Variants in TRIM72 observed in about 807,000 individuals in gnomAD.
The protein encoded by TRIM72 is tripartite motif containing 72.
Under a neutral mutation model 31.6 loss-of-function variants are expected in TRIM72, and 33 were observed. The observed-to-expected ratio is 1.04, with a 90% CI of 0.79 to 1.40. The LOEUF is 1.40. Among genes scored for constraint, TRIM72 ranks in the 40% most tolerant of loss-of-function variants. The pLI, the probability that TRIM72 is intolerant of heterozygous loss-of-function variation, is 0.00. For synonymous variants in TRIM72, 301 were observed against 314.4 expected (o/e 0.96, Z 0.45); for missense variants, 666 against 682.7 (o/e 0.98, Z 0.27).
At chr16:31,214,592 C>T (rs1312869114) in intron 1 of TRIM72, 140 bp from the exon 2 acceptor site, 57 of 958,046 alleles carry the variant, frequency 5.9e-5, no homozygotes, top group Non-Finnish European at 7.7e-5. Context: ...AGAGTCCCAT[C>T]CAGTGTAGGA....
In TRIM72 at chr16:31,219,086, G is replaced by T; in HGVS notation, c.391-9G>T. 6.4e-7 allele frequency: 1 copy of T among 1,560,384 alleles called. No homozygotes were observed. Among genetic ancestry groups the T allele is most frequent in the South Asian group, 1.2e-5 (1 of 84,960 alleles). On this transcript the variant is annotated splice_polypyrimidine_tract_variant and intron_variant, in intron 2 of 6. Coordinates refer to ENST00000322122, the MANE Select transcript of TRIM72 (RefSeq NM_001008274.4). This position sits in a 1 kb window ranked among gnomAD's most constrained non-coding sequence, Gnocchi z 4.2. ...CATCCCCATCACTTCTCCATGCCTC[G>T]ACCCCCAGACACAGCTGCCACAGCA...
rs372493107 is a variant in TRIM72 at position 31,224,284 on chromosome 16, C to G, written c.963C>G (p.Ala321=). The G allele has an allele frequency of 4.4e-6, 7 of 1,603,242 alleles. No homozygotes were observed. In the African/African-American group the frequency reaches 8.0e-5, roughly 18 times the overall value. Residue 321 remains alanine (A), a synonymous_variant, in exon 7 of 7, where the codon GCC becomes GCG. Transcript: ENST00000322122. ...VECSEQKAPP[A]GEDPRQFDKA... is the part of the protein sequence containing the mutation. The stretch of plus-strand genomic sequence containing the variant: ...GCTCGGAGCAGAAGGCGCCGCCGGC[C>G]GGGGAGGACCCGCGCCAGTTCGACA...
rs962492641 is a variant in TRIM72 at position 31,224,961 on chromosome 16, C to G, written c.*206C>G. On this transcript the variant is annotated 3_prime_UTR_variant, in exon 7 of 7. Transcript: ENST00000322122. ...ATCCCAGCACTTTGGGAGACGGAGG[C>G]GGGTGGATCACCTGAGGTCAGGAGT... 4.4e-6 allele frequency: 2 copies of G among 456,750 alleles called. No homozygotes were observed. Among genetic ancestry groups the G allele is most frequent in the Non-Finnish European group, 7.4e-6 (2 of 270,684 alleles). The allele number at this position is 456,750 out of a possible 1,614,324, so 28.3% of individuals were successfully genotyped here.
In TRIM72 at chr16:31,219,342, G is replaced by C; in HGVS notation, c.540G>C (p.Arg180=). ...GAVGEQLGKM[R]VFLAALEGSL... ...TGGGGGAGCAGCTGGGCAAGATGCGGGTGTTCCTGGCTGCACTGGAGGGCT... is the reference window on the plus strand; with the variant it reads ...TGGGGGAGCAGCTGGGCAAGATGCGCGTGTTCCTGGCTGCACTGGAGGGCT... The change falls in exon 4 of 7, where the codon CGG becomes CGC. Residue 180 remains arginine (R), a synonymous_variant. Transcript: ENST00000322122. This position sits in a 1 kb window ranked among gnomAD's most constrained non-coding sequence, Gnocchi z 4.2. The C allele has an allele frequency of 1.9e-6, 3 of 1,614,174 alleles. No homozygotes were observed. Among genetic ancestry groups the C allele is most frequent in the Non-Finnish European group, 2.5e-6 (3 of 1,180,028 alleles).
At position 31,230,163 on chromosome 16, in the gene TRIM72, G is replaced by C. The variant is rs1203459761; in HGVS notation, c.*5408G>C. On this transcript the variant is annotated 3_prime_UTR_variant, in exon 7 of 7. Coordinates refer to ENST00000322122, the MANE Select transcript of TRIM72 (RefSeq NM_001008274.4). ...CCCCATTCACCCTGAGGAAGAGAAA[G>C]AGCTAAAGTCCTTTAAAAATTAACT... 1 of 152,162 alleles carries C rather than the reference G, an allele frequency of 6.6e-6. No individual in the cohort carries two copies. The highest frequency in any genetic ancestry group is 6.6e-5 in the Admixed American group (1 of 15,260). The allele number at this position is 152,162 out of a possible 1,614,324, so 9.4% of individuals were successfully genotyped here.
chr16:31,224,524 C>A lies in TRIM72; in HGVS notation c.1203C>A (p.Arg401=). 1 of 1,511,100 alleles carries A rather than the reference C, an allele frequency of 6.6e-7. No homozygotes were observed. The highest frequency in any genetic ancestry group is 8.8e-7 in the Non-Finnish European group (1 of 1,134,890). 93.6% of individuals were successfully genotyped at this position (1,511,100 alleles called of 1,614,324 possible). Residue 401 remains arginine (R), a synonymous_variant, in exon 7 of 7, where the codon CGC becomes CGA. Coordinates refer to ENST00000322122, the MANE Select transcript of TRIM72 (RefSeq NM_001008274.4). The part of the protein sequence containing the change: ...LEAHVEAKEP[R]ALRSPERRPT... ...CACACGTGGAGGCCAAGGAGCCGCG[C>A]GCTCTGCGCAGCCCCGAGAGGCGGC...
rs1406501485 is a variant in TRIM72, at chr16:31,220,886, C to A, written c.718-10C>A. ...GGCTTCACCACCATTCTCTTTTTCT[C>A]TCTCTCCAGAAATACTGCCTGGTGA... is the stretch of plus-strand genomic sequence containing the variant. On this transcript the variant is annotated splice_polypyrimidine_tract_variant and intron_variant, in intron 4 of 6. Coordinates refer to ENST00000322122, the MANE Select transcript of TRIM72 (RefSeq NM_001008274.4). The A allele has an allele frequency of 1.9e-6, 3 of 1,614,076 alleles. No homozygotes were observed. The highest frequency in any genetic ancestry group is 2.5e-6 in the Non-Finnish European group (3 of 1,180,048).
At position 31,219,112 on chromosome 16, in the gene TRIM72, G is replaced by GA; in HGVS notation, c.411dup (p.Leu138ThrfsTer63). 2 of 1,581,634 alleles carry GA rather than the reference G, an allele frequency of 1.3e-6. No individual in the cohort carries two copies. Among genetic ancestry groups the GA allele is most frequent in the Non-Finnish European group, 1.7e-6 (2 of 1,163,298 alleles). ...ACCCCCAGACACAGCTGCCACAGCA[G>GA]AAACTGCAGCTGCAGGAGGCATGCA... On this transcript the variant is annotated frameshift_variant, in exon 3 of 7. Coordinates refer to ENST00000322122, the MANE Select transcript of TRIM72 (RefSeq NM_001008274.4). LOFTEE classifies it high-confidence loss of function. The surrounding 1 kb of genome is among the most constrained non-coding windows in gnomAD (Gnocchi z 4.2).
chr16:31,223,907 AAAAAACAAAAAAC>A (rs1365875589), intron 6 of TRIM72, among the ~76,000 whole-genome samples: 1 of 152,150 alleles, frequency 6.6e-6, no homozygotes, highest in Non-Finnish European at 1.5e-5. Context: ...CCCCGCCTCA[AAAAAACAAAAAAC>A]AAAAACAAAA....
rs2079525382 is a variant in TRIM72, at chr16:31,219,677, G to A, written c.717+158G>A. 6.6e-6 allele frequency among the ~76,000 whole-genome samples: 1 copy of A among 152,214 alleles called. No individual in the cohort carries two copies. The highest frequency in any genetic ancestry group is 2.4e-5 in the African/African-American group (1 of 41,442). On this transcript the variant is annotated intron_variant, in intron 4 of 6. Coordinates refer to ENST00000322122, the MANE Select transcript of TRIM72 (RefSeq NM_001008274.4). This position sits in a 1 kb window ranked among gnomAD's most constrained non-coding sequence, Gnocchi z 4.2. ...GGACTGCTATATGGTTGTTTAGGTT[G>A]AGCACTGCATAAGGACATTGTATTA...
chr16:31,214,689 G>C (rs764133510), intron 1 of TRIM72, 43 bp from the exon 2 acceptor site: 1 of 1,460,714 alleles, frequency 6.8e-7, no homozygotes, highest in East Asian at 2.8e-5. Flanking sequence ...GGCCGGGAGC[G>C]CGGCGCCGCG....
Position 31,225,534 on chromosome 16 carries a change from A to T in TRIM72, c.*779A>T, listed in dbSNP as rs967685583. 3.9e-5 allele frequency: 6 copies of T among 152,102 alleles called. No individual in the cohort carries two copies. Among genetic ancestry groups the T allele is most frequent in the African/African-American group, 1.4e-4 (6 of 41,492 alleles). The allele number at this position is 152,102 out of a possible 1,614,324, so 9.4% of individuals were successfully genotyped here. A position where few individuals can be genotyped will look rare whatever the true frequency, so the allele number is the denominator to read the frequency against. ...TAGTTCTCCACCTTAGGCATGCATT[A>T]AAATCACCTTTTTAAAGCCCTTAGC... On this transcript the variant is annotated 3_prime_UTR_variant, in exon 7 of 7. Coordinates refer to ENST00000322122, the MANE Select transcript of TRIM72 (RefSeq NM_001008274.4).
chr16:31,218,951 G>A, intron 2 of TRIM72, 144 bp from the exon 3 acceptor site: 1 of 693,362 alleles, frequency 1.4e-6, no homozygotes. Flanking sequence ...GGGGCTGGGA[G>A]GCATGTAAGT....
rs932517832 is a variant in TRIM72 at position 31,216,688 on chromosome 16, A to G, written c.390+1560A>G. The G allele has an allele frequency of 3.9e-6, 6 of 1,526,284 alleles. No individual in the cohort carries two copies. Among genetic ancestry groups the G allele is most frequent in the Non-Finnish European group, 5.3e-6 (6 of 1,128,106 alleles). The allele number at this position is 1,526,284 out of a possible 1,614,324, so 94.5% of individuals were successfully genotyped here. A position where few individuals can be genotyped will look rare whatever the true frequency, so the allele number is the denominator to read the frequency against. ...GGGGAACAGGAAGGCTCTGGGCGGG[A>G]CCTGACGCGTGGGTCCTTGGCGAGG... On this transcript the variant is annotated intron_variant, in intron 2 of 6. Transcript: ENST00000322122. The surrounding 1 kb of genome is among the most constrained non-coding windows in gnomAD (Gnocchi z 6.7).
intron 2 of TRIM72, among the ~76,000 whole-genome samples, chr16:31,217,544 A>G (rs2079515943): frequency 6.7e-6 from 1 of 148,434 alleles, no homozygotes; most frequent in South Asian, 2.1e-4. Context: ...GAGCTCTCCT[A>G]TATTTGCATA....
At chr16:31,214,596 T>G in intron 1 of TRIM72, 136 bp from the exon 2 acceptor site, 1 of 971,750 alleles carries the variant, frequency 1.0e-6, no homozygotes, top group Non-Finnish European at 1.4e-6. Context: ...TCCCATCCAG[T>G]GTAGGATGTG....
chr16:31,219,446 AC>A lies in TRIM72; in HGVS notation c.646del (p.Leu216TrpfsTer24). On this transcript the variant is annotated frameshift_variant, in exon 4 of 7. Transcript: ENST00000322122. LOFTEE classifies it high-confidence loss of function. The surrounding 1 kb of genome is among the most constrained non-coding windows in gnomAD (Gnocchi z 4.2). ...CGGGAGCTGGGGAGCCTGAACTCTT[AC>A]CTGGAGCAGCTGCGGCAGATGGAGA... ...LRRELGSLNS[Y>X]LEQLRQMEKV... is the part of the protein sequence containing the mutation. The A allele has an allele frequency of 6.2e-7, 1 of 1,612,488 alleles. No homozygotes were observed.
Position 31,219,250 on chromosome 16 carries a change from A to T in TRIM72, c.487-39A>T. 2 of 1,614,116 alleles carry T rather than the reference A, an allele frequency of 1.2e-6. No homozygotes were observed. Among genetic ancestry groups the T allele is most frequent in the Non-Finnish European group, 1.7e-6 (2 of 1,179,944 alleles). On this transcript the variant is annotated intron_variant, in intron 3 of 6. Transcript: ENST00000322122. The surrounding 1 kb of genome is among the most constrained non-coding windows in gnomAD (Gnocchi z 4.2). ...GGGCCAGGCTAGGGGTCTCCAGCCA[A>T]GAGTCTTTATCCCTTCAATCACTGC...
chr16:31,220,456 GTTTTTTTTTTTTTTTTT>G (rs71151452), intron 4 of TRIM72, among the ~76,000 whole-genome samples: 3 of 29,560 alleles, frequency 1.0e-4, no homozygotes, highest in Admixed American at 6.7e-4. Context: ...TCTCTTTTGC[GTTTTTTTTTTTTTTTTT>G]TTTTTTTTTT....
Sources: allele counts gnomAD v4.1 joint callset (sites outside exome capture counted in the v4.1 genomes callset), GRCh38; gene constraint gnomAD v4.1.1; non-coding constraint Gnocchi (gnomAD v3.1); transcripts MANE v1.5; gene names NCBI Gene and HGNC (gene_info 2026-07-23, HGNC 2026-07-21).